EED: variants seen among roughly 807,000 people sequenced by gnomAD.
The protein encoded by EED is polycomb protein EED.
EED carries 9 observed loss-of-function variants against 61.0 expected under a neutral mutation model. The ratio of observed to expected loss-of-function variants is 0.15; its 90% CI spans 0.09 to 0.26. The LOEUF is 0.26. Ranked by LOEUF, EED falls within the 10% of genes least tolerant of loss-of-function variation. EED has a pLI of 1.00. For missense variants in EED, 315 were observed against 542.3 expected, an observed-to-expected ratio of 0.58 and a Z score of 4.16; for synonymous variants, 187 against 174.4, an observed-to-expected ratio of 1.07 and a Z score of -0.57.
chr11:86,269,772 A>C (rs749789541), intron 9 of EED, among the ~76,000 whole-genome samples: 3 of 152,162 alleles, frequency 2.0e-5, no homozygotes, highest in Non-Finnish European at 4.4e-5. Context: ...GGGACCTTTT[A>C]AGATTGTTTT....
At chr11:86,261,175 C>G (rs565651752) in intron 6 of EED, among the ~76,000 whole-genome samples, 4 of 152,320 alleles carry the variant, frequency 2.6e-5, no homozygotes, top group African/African-American at 7.2e-5. Context: ...TCTGGGAAAT[C>G]AGGCATCTTA....
chr11:86,258,092 C>T (rs1945722861), intron 6 of EED, among the ~76,000 whole-genome samples: 2 of 151,994 alleles, frequency 1.3e-5, no homozygotes, highest in Non-Finnish European at 2.9e-5. Context: ...TCTTCTTACT[C>T]CTCCCACCCT....
intron 3 of EED, among the ~76,000 whole-genome samples, chr11:86,253,825 A>T (rs1005377230): frequency 1.3e-5 from 2 of 152,100 alleles, no homozygotes; most frequent in African/African-American, 4.8e-5. Context: ...AGGCAGGTGG[A>T]TCACCTGAAC....
chr11:86,276,992 G>T lies in EED; in HGVS notation c.979G>T (p.Ala327Ser), dbSNP rs970497140. 21 of 1,510,330 alleles carry T rather than the reference G, an allele frequency of 1.4e-5. No individual in the cohort carries two copies. The highest frequency in any genetic ancestry group is 1.9e-5 in the Non-Finnish European group (21 of 1,116,020). 93.6% of individuals were successfully genotyped at this position (1,510,330 alleles called of 1,614,324 possible). ...DLILSKSCEN[A>S]IVCWKPGKME... ...CTCTCTGTTTTAGTCTTGTGAAAAT[G>T]CCATTGTGTGCTGGAAACCTGGCAA... Residue 327 changes from alanine to serine, a missense_variant, in exon 10 of 12, where the codon GCC (alanine) becomes TCC (serine). By Grantham distance (99) the Ala-to-Ser change is moderately conservative. This residue lies in a region of EED where 205 missense variants were observed against 455.4 expected (regional missense o/e 0.45). Coordinates refer to ENST00000263360, the MANE Select transcript of EED (RefSeq NM_003797.5).
intron 9 of EED, among the ~76,000 whole-genome samples, chr11:86,269,828 AG>A (rs1481992180): frequency 6.6e-6 from 1 of 152,146 alleles, no homozygotes; most frequent in African/African-American, 2.4e-5. Flanking sequence ...TGCCTGTATC[AG>A]TAGTTCTCCT....
At position 86,252,253 on chromosome 11, in the gene EED, G is replaced by C. The variant is rs758713169; in HGVS notation, c.360+13G>C. 3 of 1,570,340 alleles carry C rather than the reference G, an allele frequency of 1.9e-6. No individual in the cohort carries two copies. Among genetic ancestry groups the C allele is most frequent in the Non-Finnish European group, 1.7e-6 (2 of 1,148,312 alleles). ...AGGAAGCAACAGAGTGAGTGTTAAG[G>C]GGTCTATTTAGTATTTGGCTTGATT... On this transcript the variant is annotated intron_variant, in intron 3 of 11. Transcript: ENST00000263360.
chr11:86,276,699 A>G (rs1946240090), intron 9 of EED: 1 of 223,654 alleles, frequency 4.5e-6, no homozygotes, highest in Non-Finnish European at 8.7e-6. Flanking sequence ...TCTAGAGCTG[A>G]ACTTGGTTTA....
chr11:86,270,705 C>T (rs886181112), intron 9 of EED, among the ~76,000 whole-genome samples: 4 of 152,068 alleles, frequency 2.6e-5, no homozygotes. Context: ...TATGAAGGTG[C>T]GAGGTTTAGG....
chr11:86,260,952 A>G (rs1036356999), intron 6 of EED, among the ~76,000 whole-genome samples: 10 of 151,698 alleles, frequency 6.6e-5, no homozygotes, highest in Non-Finnish European at 1.3e-4. Flanking sequence ...GAATTAATTC[A>G]TTCATAAGAG....
rs1459981515 is a variant in EED at position 86,245,302 on chromosome 11, A to G, written c.73A>G (p.Ser25Gly). ...MPAAKKQKLS[S>G]DENSNPDLSG... ...TGCGGCCAAGAAGCAGAAGCTGAGC[A>G]GTGACGAGAACAGCAATCCAGACCT... Residue 25 changes from serine to glycine, a missense_variant, in exon 1 of 12, where the codon AGT (serine) becomes GGT (glycine). Physicochemically the swap from Ser to Gly is moderately conservative, Grantham distance 56 (BLOSUM62 0). Around this residue, in one of 2 missense-constraint regions of EED, gnomAD observed 110 missense variants for 86.9 expected, o/e 1.27. Coordinates refer to ENST00000263360, the MANE Select transcript of EED (RefSeq NM_003797.5). The G allele has an allele frequency of 8.7e-6, 14 of 1,613,430 alleles. No individual in the cohort carries two copies. The highest frequency in any genetic ancestry group is 1.1e-5 in the Non-Finnish European group (13 of 1,179,940).
chr11:86,261,050 G>C (rs1204979457), intron 6 of EED, among the ~76,000 whole-genome samples: 1 of 151,896 alleles, frequency 6.6e-6, no homozygotes, highest in African/African-American at 2.4e-5. Flanking sequence ...TGCTTTTTCG[G>C]GGGTTCATTT....
intron 1 of EED, 85 bp from the exon 2 acceptor site, chr11:86,250,211 C>A: frequency 8.2e-7 from 1 of 1,225,112 alleles, no homozygotes; most frequent in South Asian, 2.8e-5. Flanking sequence ...TCTCTTAGGT[C>A]AGTCAGCATC....
At chr11:86,257,001 T>A (rs1945692031) in intron 5 of EED, among the ~76,000 whole-genome samples, 1 of 152,090 alleles carries the variant, frequency 6.6e-6, no homozygotes. Context: ...CCTCCGCTAA[T>A]CCGATCAGAA....
At chr11:86,248,813 G>A (rs372814807) in intron 1 of EED, among the ~76,000 whole-genome samples, 1 of 152,250 alleles carries the variant, frequency 6.6e-6, no homozygotes, top group Admixed American at 6.5e-5. Context: ...GAGTCCAGGA[G>A]TTTGAGACCA....
chr11:86,250,943 T>C (rs1170132433), intron 2 of EED, among the ~76,000 whole-genome samples: 2 of 152,044 alleles, frequency 1.3e-5, no homozygotes, highest in East Asian at 3.8e-4. Flanking sequence ...ATATTAAATA[T>C]TTAGGGAAAA....
At chr11:86,259,120 G>A (rs922079266) in intron 6 of EED, among the ~76,000 whole-genome samples, 2 of 149,796 alleles carry the variant, frequency 1.3e-5, no homozygotes, top group African/African-American at 2.5e-5. Context: ...CACCCGCATC[G>A]GCCTCCCAAA....
chr11:86,256,575 A>C, intron 5 of EED, 63 bp downstream of exon 5: 1 of 1,416,386 alleles, frequency 7.1e-7, no homozygotes, highest in Non-Finnish European at 9.4e-7. Context: ...AAAAACTTGT[A>C]ATGTTAAATT....
At chr11:86,272,551 T>C (rs1461855082) in intron 9 of EED, among the ~76,000 whole-genome samples, 2 of 152,236 alleles carry the variant, frequency 1.3e-5, no homozygotes, top group Non-Finnish European at 2.9e-5. Flanking sequence ...TCTATATCCT[T>C]GTTCGGTGTC....
intron 6 of EED, among the ~76,000 whole-genome samples, chr11:86,260,268 A>G (rs867103275): frequency 3.9e-5 from 6 of 152,218 alleles, no homozygotes; most frequent in East Asian, 1.9e-4. Flanking sequence ...CACTCTGTCA[A>G]CCAGGCTATA....
Sources: allele counts gnomAD v4.1 joint callset (sites outside exome capture counted in the v4.1 genomes callset), GRCh38; gene constraint gnomAD v4.1.1; regional missense constraint gnomAD v4.1.1; transcripts MANE v1.5; gene names NCBI Gene and HGNC (gene_info 2026-07-23, HGNC 2026-07-21).